Variants in MSL2 observed in about 807,000 individuals in gnomAD.
MSL2 encodes the protein E3 ubiquitin-protein ligase MSL2.
Under a neutral mutation model 35.8 loss-of-function variants are expected in MSL2, and 2 were observed. The observed-to-expected ratio is 0.06, with a 90% CI of 0.02 to 0.18. The LOEUF (loss-of-function observed/expected upper bound fraction) is 0.18, where lower values mean the gene tolerates loss of function less well. Among genes scored for constraint, MSL2 ranks in the 10% least tolerant of loss-of-function variants. MSL2 has a pLI of 1.00. For missense variants in MSL2, 523 were observed against 706.7 expected, an observed-to-expected ratio of 0.74 and a Z score of 2.95; for synonymous variants, 296 against 255.7, an observed-to-expected ratio of 1.16 and a Z score of -1.50.
In MSL2 at chr3:136,166,751, G is replaced by T. The variant is rs150246289; in HGVS notation, c.143-14013C>A. Among the ~76,000 whole-genome samples the T allele has an allele frequency of 1.3e-3, 197 of 152,290 alleles. 1 individual carries two copies. The highest frequency in any genetic ancestry group is 4.4e-3 in the African/African-American group (182 of 41,564). The stretch of plus-strand genomic sequence containing the variant: ...AAATTGCTTGCCCGTCTCTATACAA[G>T]AGATGAGCACTCCTCCTTAGCACAG... On this transcript the variant is annotated intron_variant, in intron 1 of 1. Coordinates refer to ENST00000309993, the MANE Select transcript of MSL2 (RefSeq NM_018133.4).
At chr3:136,154,061 C>A (rs190411517) in intron 1 of MSL2, among the ~76,000 whole-genome samples, 7 of 144,910 alleles carry the variant, frequency 4.8e-5, no homozygotes, top group Admixed American at 7.0e-5. Flanking sequence ...CCAGCCTGGG[C>A]GACAAGAGCA....
chr3:136,194,384 A>G (rs1940775528), intron 1 of MSL2: 2 of 982,792 alleles, frequency 2.0e-6, no homozygotes, highest in Admixed American at 6.2e-5. Context: ...AGTGGTAAGT[A>G]AAAGTCTCAC....
At chr3:136,167,649 CAGAA>C (rs1939887719) in intron 1 of MSL2, among the ~76,000 whole-genome samples, 1 of 152,048 alleles carries the variant, frequency 6.6e-6, no homozygotes, top group Non-Finnish European at 1.5e-5. Flanking sequence ...ATGCCACTAA[CAGAA>C]AGCAAAAAAT....
intron 1 of MSL2, among the ~76,000 whole-genome samples, chr3:136,162,200 T>A (rs1939726247): frequency 6.6e-6 from 1 of 150,594 alleles, no homozygotes; most frequent in Non-Finnish European, 1.5e-5. Context: ...CCTCCCAAAG[T>A]GCTGGGATTA....
chr3:136,162,280 A>C (rs1217201750), intron 1 of MSL2, among the ~76,000 whole-genome samples: 1 of 151,458 alleles, frequency 6.6e-6, no homozygotes, highest in Non-Finnish European at 1.5e-5. Context: ...TTTTAAAAAA[A>C]AAAAAAAAAG....
At chr3:136,155,392 T>C (rs1245156983) in intron 1 of MSL2, among the ~76,000 whole-genome samples, 1 of 151,820 alleles carries the variant, frequency 6.6e-6, no homozygotes, top group African/African-American at 2.4e-5. Context: ...TAATCCCAGC[T>C]ACTTGGGAGG....
At chr3:136,183,647 A>C (rs1940430132) in intron 1 of MSL2, among the ~76,000 whole-genome samples, 1 of 152,162 alleles carries the variant, frequency 6.6e-6, no homozygotes, top group Non-Finnish European at 1.5e-5. Flanking sequence ...AGAAAAATCA[A>C]AGTTATTAAA....
At position 136,195,230 on chromosome 3, in the gene MSL2, C is replaced by T. The variant is rs1183083507; in HGVS notation, c.-117G>A. On this transcript the variant is annotated 5_prime_UTR_variant, in exon 1 of 2. The change abolishes an upstream ATG in the 5' untranslated region. Coordinates refer to ENST00000309993, the MANE Select transcript of MSL2 (RefSeq NM_018133.4). ...AATTCGGAAGAAATCAGAGCCGAAC[C>T]ATTGGCCAAACAAGTAACCAAAATC... 2 of 1,510,776 alleles carry T rather than the reference C, an allele frequency of 1.3e-6. No individual in the cohort carries two copies. Among genetic ancestry groups the T allele is most frequent in the Admixed American group, 2.3e-5 (1 of 43,312 alleles). 93.6% of individuals were successfully genotyped at this position (1,510,776 alleles called of 1,614,324 possible). A position where few individuals can be genotyped will look rare whatever the true frequency, so the allele number is the denominator to read the frequency against.
chr3:136,194,431 C>T (rs1940777056), intron 1 of MSL2: 1 of 985,274 alleles, frequency 1.0e-6, no homozygotes, highest in Admixed American at 6.2e-5. Context: ...CAGCCTTCCC[C>T]GGCTCGCTGT....
At chr3:136,166,887 G>A (rs1359651750) in intron 1 of MSL2, among the ~76,000 whole-genome samples, 2 of 152,138 alleles carry the variant, frequency 1.3e-5, no homozygotes, top group Non-Finnish European at 2.9e-5. Context: ...TACTGGTAAA[G>A]GCAGCTGTAC....
chr3:136,155,200 C>A, intron 1 of MSL2, among the ~76,000 whole-genome samples: 1 of 148,630 alleles, frequency 6.7e-6, no homozygotes, highest in East Asian at 2.0e-4. Context: ...CAGGGCAAGA[C>A]TGTCTGGAAA....
At chr3:136,186,421 C>G (rs890413905) in intron 1 of MSL2, among the ~76,000 whole-genome samples, 1 of 152,202 alleles carries the variant, frequency 6.6e-6, no homozygotes, top group Non-Finnish European at 1.5e-5. Flanking sequence ...TATGGACAGG[C>G]TCCGGTCCTT....
chr3:136,177,549 G>A (rs778393825), intron 1 of MSL2, among the ~76,000 whole-genome samples: 3 of 151,644 alleles, frequency 2.0e-5, no homozygotes, highest in Non-Finnish European at 4.4e-5. Flanking sequence ...CATGGTGGTG[G>A]GCACCTGTAG....
chr3:136,189,108 C>CAAAAAAAA (rs372715974), intron 1 of MSL2, among the ~76,000 whole-genome samples: 3 of 38,610 alleles, frequency 7.8e-5, no homozygotes, highest in African/African-American at 2.0e-4. Context: ...CCTGTCTCTA[C>CAAAAAAAA]AAAAAAAAAA....
intron 1 of MSL2, among the ~76,000 whole-genome samples, chr3:136,177,125 A>G (rs1940201127): frequency 6.6e-6 from 1 of 152,306 alleles, no homozygotes; most frequent in East Asian, 1.9e-4. Flanking sequence ...CAAAAAGCAA[A>G]TACATGCCTC....
intron 1 of MSL2, among the ~76,000 whole-genome samples, chr3:136,181,562 T>C (rs1940364692): frequency 6.6e-6 from 1 of 152,180 alleles, no homozygotes; most frequent in East Asian, 1.9e-4. Flanking sequence ...GAAATTGTTC[T>C]AAAGGTCTGT....
chr3:136,189,369 A>C (rs1940618277), intron 1 of MSL2, among the ~76,000 whole-genome samples: 1 of 145,232 alleles, frequency 6.9e-6, no homozygotes, highest in South Asian at 2.3e-4. Flanking sequence ...GTATCTACCA[A>C]GAAAATTACT....
At chr3:136,165,346 T>C (rs1939815553) in intron 1 of MSL2, among the ~76,000 whole-genome samples, 1 of 152,218 alleles carries the variant, frequency 6.6e-6, no homozygotes, top group Non-Finnish European at 1.5e-5. Flanking sequence ...TAATGTGATA[T>C]TGACCCTAAA....
At chr3:136,165,207 CA>C (rs371730438) in intron 1 of MSL2, among the ~76,000 whole-genome samples, 3,470 of 59,280 alleles carry the variant, frequency 0.059, 41 homozygotes, top group Non-Finnish European at 0.075. Flanking sequence ...AAGTTCGTGA[CA>C]AAAAAAAAAA....
Sources: gnomAD v4.1 joint callset for allele counts (sites outside exome capture counted in the v4.1 genomes callset) on GRCh38, gnomAD v4.1.1 for gene constraint, MANE v1.5 for transcripts, NCBI Gene and HGNC (gene_info 2026-07-23, HGNC 2026-07-21) for gene names.